The following SLC8A1 variants were observed in gnomAD, a reference collection of about 807,000 sequenced individuals.
The protein encoded by SLC8A1 is sodium/calcium exchanger 1.
SLC8A1 carries 18 observed loss-of-function variants against 68.3 expected under a neutral mutation model. The observed-to-expected ratio is 0.26, with a 90% CI of 0.18 to 0.39. SLC8A1 has a LOEUF of 0.39. Ranked by LOEUF, SLC8A1 falls within the 10% of genes least tolerant of loss-of-function variation. The pLI is 1.00. For synonymous variants in SLC8A1, 475 were observed against 415.5 expected (o/e 1.14, Z -1.74); for missense variants, 985 against 1,156.7 (o/e 0.85, Z 2.15).
chr2:40,493,060 G>A (rs1356091285), intron 1 of SLC8A1, among the ~76,000 whole-genome samples: 1 of 152,060 alleles, frequency 6.6e-6, no homozygotes, highest in Non-Finnish European at 1.5e-5. Context: ...GTTTATTGTG[G>A]CACTATTCAC....
rs562151098 is a variant in SLC8A1 at position 40,198,551 on chromosome 2, C to T, written c.1809-20696G>A. Among the ~76,000 whole-genome samples, 5 of 151,992 alleles carry T rather than the reference C, an allele frequency of 3.3e-5. No homozygotes were observed. In the East Asian group the frequency reaches 9.7e-4, roughly 29 times the overall value. On this transcript the variant is annotated intron_variant, in intron 2 of 7. Transcript: ENST00000406785. ...TTGATTTCTTTTTTAAAAAAGACTG[C>T]AGTTGGTAAAACTGACCCAGAGTAT...
At chr2:40,496,338 T>C (rs1705698993) in intron 1 of SLC8A1, among the ~76,000 whole-genome samples, 1 of 152,058 alleles carries the variant, frequency 6.6e-6, no homozygotes, top group African/African-American at 2.4e-5. Flanking sequence ...TAAAATTCAT[T>C]TGGAAAAGTA....
At chr2:40,415,914 T>A (rs551326607) in intron 2 of SLC8A1, among the ~76,000 whole-genome samples, 3 of 123,148 alleles carry the variant, frequency 2.4e-5, no homozygotes, top group African/African-American at 1.0e-4. Flanking sequence ...ACACACACAT[T>A]AGCTGGGCGT....
chr2:40,284,218 TTATATC>T (rs922585820), intron 2 of SLC8A1, among the ~76,000 whole-genome samples: 1 of 151,398 alleles, frequency 6.6e-6, no homozygotes, highest in African/African-American at 2.4e-5. Flanking sequence ...TATAAGTTGT[TTATATC>T]TATATGCCAA....
intron 2 of SLC8A1, among the ~76,000 whole-genome samples, chr2:40,341,199 C>A (rs1225886395): frequency 6.6e-6 from 1 of 152,044 alleles, no homozygotes; most frequent in African/African-American, 2.4e-5. Flanking sequence ...GAGTGTGAGA[C>A]TGAAAATTAG....
intron 1 of SLC8A1, among the ~76,000 whole-genome samples, chr2:40,486,707 GT>G (rs200468744): frequency 0.016 from 2,399 of 150,616 alleles, 54 homozygotes; most frequent in African/African-American, 0.052. Context: ...ATCTTAATAT[GT>G]TTTTTTTAAT....
chr2:40,151,216 T>C (rs1289783223), intron 6 of SLC8A1, among the ~76,000 whole-genome samples: 3 of 152,092 alleles, frequency 2.0e-5, no homozygotes, highest in African/African-American at 7.2e-5. Context: ...AAGTTTGACA[T>C]AGAGAAAACA....
chr2:40,299,444 C>A (rs1287893234), intron 2 of SLC8A1, among the ~76,000 whole-genome samples: 1 of 152,186 alleles, frequency 6.6e-6, no homozygotes, highest in Admixed American at 6.6e-5. Flanking sequence ...TGGCTGAACT[C>A]ATCTCCTACT....
chr2:40,435,942 A>ATTTTTTTTT (rs59783278), intron 1 of SLC8A1, among the ~76,000 whole-genome samples: 2 of 125,416 alleles, frequency 1.6e-5, no homozygotes, highest in Admixed American at 8.2e-5. Flanking sequence ...ATGCTCGGCT[A>ATTTTTTTTT]TTTTTTTTTT....
chr2:40,196,778 C>A (rs556394038), intron 2 of SLC8A1, among the ~76,000 whole-genome samples: 42 of 152,090 alleles, frequency 2.8e-4, no homozygotes, highest in African/African-American at 9.6e-4. Flanking sequence ...TTACACTTTT[C>A]CATGACGCTT....
chr2:40,238,744 T>C (rs2060794400), intron 2 of SLC8A1, among the ~76,000 whole-genome samples: 1 of 152,190 alleles, frequency 6.6e-6, no homozygotes, highest in Non-Finnish European at 1.5e-5. Flanking sequence ...TTCTATTATA[T>C]AAATTAACTC....
chr2:40,398,895 G>A (rs1345680867), intron 2 of SLC8A1, among the ~76,000 whole-genome samples: 1 of 152,144 alleles, frequency 6.6e-6, no homozygotes, highest in African/African-American at 2.4e-5. Flanking sequence ...TCTGATGTTT[G>A]CAAAATTTGT....
chr2:40,419,427 T>G (rs1252566442), intron 2 of SLC8A1, among the ~76,000 whole-genome samples: 1 of 152,138 alleles, frequency 6.6e-6, no homozygotes, highest in Admixed American at 6.6e-5. Flanking sequence ...AGCAGAAATC[T>G]AATCAGGGCT....
At chr2:40,407,092 A>T (rs1021138988) in intron 2 of SLC8A1, among the ~76,000 whole-genome samples, 3 of 152,012 alleles carry the variant, frequency 2.0e-5, no homozygotes, top group African/African-American at 7.3e-5. Flanking sequence ...TGTGAGAGGG[A>T]GTCTCACTCT....
chr2:40,352,227 CAATTTAGG>C (rs1320081097), intron 2 of SLC8A1, among the ~76,000 whole-genome samples: 25 of 152,052 alleles, frequency 1.6e-4, no homozygotes, highest in African/African-American at 6.0e-4. Context: ...GTGAACAATT[CAATTTAGG>C]AATATACTCA....
At chr2:40,307,122 T>C (rs1245893650) in intron 2 of SLC8A1, among the ~76,000 whole-genome samples, 1 of 148,748 alleles carries the variant, frequency 6.7e-6, no homozygotes. Context: ...GATAAACAGA[T>C]GACTGGCTAA....
chr2:40,307,140 G>C (rs1251559378), intron 2 of SLC8A1, among the ~76,000 whole-genome samples: 1 of 108,624 alleles, frequency 9.2e-6, no homozygotes, highest in Admixed American at 9.0e-5. Context: ...TAAAGAAAAT[G>C]TGATATACAC....
upstream of SLC8A1, among the ~76,000 whole-genome samples, chr2:40,456,627 C>T (rs2149889103): frequency 6.6e-6 from 1 of 152,280 alleles, no homozygotes; most frequent in African/African-American, 2.4e-5. Context: ...AAACATGGAT[C>T]ATAAACTCTC....
intron 1 of SLC8A1, among the ~76,000 whole-genome samples, chr2:40,444,096 G>A (rs970616737): frequency 2.6e-5 from 4 of 152,096 alleles, no homozygotes; most frequent in Admixed American, 2.6e-4. Flanking sequence ...CAGCACTTTG[G>A]GAGGCTGAGG....
Sources: gnomAD v4.1 joint callset for allele counts (sites outside exome capture counted in the v4.1 genomes callset) on GRCh38, gnomAD v4.1.1 for gene constraint, MANE v1.5 for transcripts, NCBI Gene and HGNC (gene_info 2026-07-23, HGNC 2026-07-21) for gene names.